The following CEBPZ variants were observed in gnomAD, a reference collection of about 807,000 sequenced individuals.
CEBPZ encodes CCAAT/enhancer-binding protein zeta.
In CEBPZ, 78 loss-of-function variants were observed where a neutral mutation model predicts 104.5. The observed-to-expected ratio is 0.75, with a 90% CI of 0.62 to 0.90. The LOEUF is 0.90. CEBPZ is among the 40% of genes least tolerant of loss of function. The probability of loss-of-function intolerance (pLI) is 0.00; values close to 1 mark genes in which losing one functional copy is unlikely to be tolerated. For synonymous variants in CEBPZ, 470 were observed against 427.0 expected, an observed-to-expected ratio of 1.10 and a Z score of -1.24; for missense variants, 1,439 against 1,233.5, an observed-to-expected ratio of 1.17 and a Z score of -2.50.
At chr2:37,212,097 T>C (rs1238747824) in intron 11 of CEBPZ, 58 bp from the exon 12 acceptor site, 1 of 1,436,658 alleles carries the variant, frequency 7.0e-7, no homozygotes, top group Non-Finnish European at 9.4e-7. Flanking sequence ...AAGTAGTGTT[T>C]TGCTGACTAC....
chr2:37,219,151 T>C (rs1664705625), intron 5 of CEBPZ, among the ~76,000 whole-genome samples: 1 of 152,192 alleles, frequency 6.6e-6, no homozygotes, highest in East Asian at 1.9e-4. Context: ...CAAGAAAATA[T>C]CTCCCAAATA....
chr2:37,228,092 G>C lies in CEBPZ; in HGVS notation c.1101C>G (p.Thr367=), dbSNP rs751175662. 1 of 1,614,138 alleles carries C rather than the reference G, an allele frequency of 6.2e-7. No individual in the cohort carries two copies. Among genetic ancestry groups the C allele is most frequent in the Non-Finnish European group, 8.5e-7 (1 of 1,180,028 alleles). The change falls in exon 2 of 16, where the codon ACC becomes ACG. Residue 367 remains threonine (T), a synonymous_variant. Transcript: ENST00000234170. The stretch of plus-strand genomic sequence containing the variant: ...TGTTACAAAGCAGCTCATGAGCCAC[G>C]GTAAGGGCTCGAGTTTTAGTGGTTA... ...TLVTTKTRAL[T]VAHELLCNKP...
At position 37,228,124 on chromosome 2, in the gene CEBPZ, T is replaced by C; in HGVS notation, c.1069A>G (p.Thr357Ala). ...VQVLETLSHD[T>A]LVTTKTRALT... is the part of the protein sequence containing the mutation. ...GCTCGAGTTTTAGTGGTTACTAATG[T>C]ATCATGACTTAAAGTTTCTAAGACC... is the stretch of plus-strand genomic sequence containing the variant. The change falls in exon 2 of 16, where the codon ACA becomes GCA. Residue 357 changes from threonine (T) to alanine (A), a missense_variant. By Grantham distance (58) the Thr-to-Ala change is moderately conservative. Coordinates refer to ENST00000234170, the MANE Select transcript of CEBPZ (RefSeq NM_005760.3). 6.2e-7 allele frequency: 1 copy of C among 1,614,236 alleles called. No homozygotes were observed. Among genetic ancestry groups the C allele is most frequent in the Non-Finnish European group, 8.5e-7 (1 of 1,180,040 alleles).
At chr2:37,212,537 T>C (rs1403052000) in intron 10 of CEBPZ, 145 bp from the exon 11 acceptor site, 38 of 690,884 alleles carry the variant, frequency 5.5e-5, no homozygotes, top group Non-Finnish European at 9.0e-5. Context: ...CTGTTGCTAG[T>C]GTGCCTTAAT....
At chr2:37,224,622 A>C (rs145567875) in intron 2 of CEBPZ, among the ~76,000 whole-genome samples, 1 of 152,288 alleles carries the variant, frequency 6.6e-6, no homozygotes, top group African/African-American at 2.4e-5. Flanking sequence ...ATTTATTATT[A>C]GGCATAAATT....
chr2:37,204,586 T>C (rs1297817612), intron 13 of CEBPZ: 2 of 152,338 alleles, frequency 1.3e-5, no homozygotes, highest in Admixed American at 6.5e-5. Flanking sequence ...ATTTTTGATT[T>C]TTTGTAGAGA....
intron 5 of CEBPZ, among the ~76,000 whole-genome samples, chr2:37,217,955 T>C (rs1664670935): frequency 6.9e-6 from 1 of 145,322 alleles, no homozygotes; most frequent in African/African-American, 2.5e-5. Context: ...TACATACTAG[T>C]AAGTAGCATA....
intron 2 of CEBPZ, among the ~76,000 whole-genome samples, chr2:37,227,043 C>T (rs1312657483): frequency 1.3e-5 from 2 of 152,144 alleles, no homozygotes; most frequent in Admixed American, 6.5e-5. Flanking sequence ...GATTTCTGTT[C>T]GCTGTGCCTC....
chr2:37,227,143 A>C (rs10206380), intron 2 of CEBPZ, among the ~76,000 whole-genome samples: 3 of 152,100 alleles, frequency 2.0e-5, no homozygotes, highest in Admixed American at 2.0e-4. Context: ...ACTGTGTGAA[A>C]GACAGCAGGG....
chr2:37,213,799 A>G, intron 10 of CEBPZ, 65 bp downstream of exon 10: 1 of 1,060,502 alleles, frequency 9.4e-7, no homozygotes, highest in Non-Finnish European at 1.4e-6. Flanking sequence ...TCTCCCACTA[A>G]TGTTCCATGG....
chr2:37,202,123 T>A, intron 15 of CEBPZ: 1 of 355,324 alleles, frequency 2.8e-6, no homozygotes, highest in Non-Finnish European at 5.0e-6. Flanking sequence ...AAGAAACAAA[T>A]GCTCTAAAGA....
rs1316240156 is a variant in CEBPZ, at chr2:37,223,209, T to A, written c.1842A>T (p.Lys614Asn). 1.9e-6 allele frequency: 3 copies of A among 1,613,960 alleles called. No homozygotes were observed. The highest frequency in any genetic ancestry group is 4.5e-5 in the East Asian group (2 of 44,896). ...GTTGGCTTCTTAAACCTGGTTTTGC[T>A]TTAAGGATCTCAGACACAAGATATA... ...GALYLVSEIL[K>N]AKPGLRSQLD... is the part of the protein sequence containing the mutation. The change falls in exon 3 of 16, where the codon AAA becomes AAT. Residue 614 changes from lysine to asparagine, a missense_variant. Transcript: ENST00000234170.
At position 37,220,478 on chromosome 2, in the gene CEBPZ, G is replaced by T; in HGVS notation, c.2066-5C>A. The T allele has an allele frequency of 1.3e-6, 2 of 1,516,012 alleles. No homozygotes were observed. The highest frequency in any genetic ancestry group is 1.8e-5 in the Admixed American group (1 of 55,198). 93.9% of individuals were successfully genotyped at this position (1,516,012 alleles called of 1,614,324 possible). A position where few individuals can be genotyped will look rare whatever the true frequency, so the allele number is the denominator to read the frequency against. On this transcript the variant is annotated splice_polypyrimidine_tract_variant and splice_region_variant and intron_variant, in intron 4 of 15. Transcript: ENST00000234170. ...ATTTATTTAACTGTTTCCCACCTAG[G>T]AATAACAAAAAAAATACGATTTCTC...
At chr2:37,224,940 G>C (rs1238438830) in intron 2 of CEBPZ, among the ~76,000 whole-genome samples, 1 of 152,074 alleles carries the variant, frequency 6.6e-6, no homozygotes, top group African/African-American at 2.4e-5. Context: ...ATGTTAAATA[G>C]AGACAGAAAA....
chr2:37,217,265 T>C (rs773121380), intron 5 of CEBPZ, among the ~76,000 whole-genome samples: 5 of 151,928 alleles, frequency 3.3e-5, no homozygotes, highest in East Asian at 1.9e-4. Context: ...GGTGTGATGG[T>C]GCGCGCGTGC....
At chr2:37,219,664 ATACT>A (rs1664718469) in intron 5 of CEBPZ, among the ~76,000 whole-genome samples, 2 of 152,232 alleles carry the variant, frequency 1.3e-5, no homozygotes, top group South Asian at 2.1e-4. Flanking sequence ...GCTGCATAAG[ATACT>A]TACTGGCTTT....
intron 5 of CEBPZ, among the ~76,000 whole-genome samples, chr2:37,219,887 G>A (rs74417714): frequency 0.029 from 4,343 of 152,024 alleles, 108 homozygotes; most frequent in Admixed American, 0.05. Context: ...CTTATTTTAC[G>A]TGCACACTTA....
chr2:37,222,701 G>C (rs1218644943), intron 3 of CEBPZ, 138 bp from the exon 4 acceptor site: 1 of 564,270 alleles, frequency 1.8e-6, no homozygotes, highest in Non-Finnish European at 3.0e-6. Context: ...TAAAATGATG[G>C]CTATCAATGG....
intron 8 of CEBPZ, chr2:37,215,420 GA>G (rs1321879420): frequency 6.6e-6 from 1 of 152,292 alleles, no homozygotes; most frequent in African/African-American, 2.4e-5. Flanking sequence ...AAGAAATAAG[GA>G]ACTACAAGAA....
Sources: allele counts gnomAD v4.1 joint callset (sites outside exome capture counted in the v4.1 genomes callset), GRCh38; gene constraint gnomAD v4.1.1; transcripts MANE v1.5; gene names NCBI Gene and HGNC (gene_info 2026-07-23, HGNC 2026-07-21).